The following ZNF273 variants were observed in gnomAD, a reference collection of about 807,000 sequenced individuals.
ZNF273 encodes the protein zinc finger protein 273.
A neutral mutation model predicts 14.9 loss-of-function variants in ZNF273; 11 were observed. That is an observed-to-expected ratio of 0.74 (90% confidence interval 0.46 to 1.22). ZNF273 has a LOEUF of 1.22. Ranked by LOEUF, ZNF273 falls within the 50% of genes most tolerant of loss-of-function variation. The pLI is 0.00. For synonymous variants in ZNF273, 199 were observed against 223.9 expected, an observed-to-expected ratio of 0.89 and a Z score of 0.99; for missense variants, 577 against 660.6, an observed-to-expected ratio of 0.87 and a Z score of 1.39.
chr7:64,883,568 T>G (rs866998668), downstream of ZNF273, among the ~76,000 whole-genome samples: 1 of 152,146 alleles, frequency 6.6e-6, no homozygotes, highest in Non-Finnish European at 1.5e-5. Context: ...TGCTTCCCAC[T>G]TCACCCCCGC....
chr7:64,885,315 C>T (rs1408279776), intron 1 of ZNF273, among the ~76,000 whole-genome samples: 1 of 152,226 alleles, frequency 6.6e-6, no homozygotes, highest in East Asian at 1.9e-4. Context: ...AAGTCACTGC[C>T]TCTCCTGCAG....
exon 4 of ZNF273, chr7:64,897,949 G>C (rs914622186): frequency 1.3e-5 from 2 of 150,806 alleles, no homozygotes; most frequent in African/African-American, 4.9e-5. Context: ...GGATGGTCTC[G>C]ATCTCCTGAC....
At chr7:64,881,403 T>C (rs1791250497), downstream of ZNF273, among the ~76,000 whole-genome samples, 1 of 152,246 alleles carries the variant, frequency 6.6e-6, no homozygotes, top group African/African-American at 2.4e-5. Flanking sequence ...GAGTGTTTCC[T>C]TCTAAACACT....
At chr7:64,909,849 G>C (rs957647899) in intron 1 of ZNF273, among the ~76,000 whole-genome samples, 2 of 149,516 alleles carry the variant, frequency 1.3e-5, no homozygotes, top group Non-Finnish European at 3.0e-5. Context: ...TTTTTTGTTT[G>C]TTTGTTTGTT....
At chr7:64,924,663 T>C (rs928408982) in intron 3 of ZNF273, among the ~76,000 whole-genome samples, 4 of 152,246 alleles carry the variant, frequency 2.6e-5, no homozygotes, top group Admixed American at 6.5e-5. Context: ...GTAGCTTGTG[T>C]AATACTATTT....
At chr7:64,892,214 A>C (rs115389300), downstream of ZNF273, among the ~76,000 whole-genome samples, 1,747 of 152,304 alleles carry the variant, frequency 0.011, 30 homozygotes, top group African/African-American at 0.039. Context: ...AACAGTATTC[A>C]ACCCTAAAAG....
rs767336937 is a variant in ZNF273, at chr7:64,928,436, G to A, written c.1108G>A (p.Gly370Arg). 40 of 1,611,786 alleles carry A rather than the reference G, an allele frequency of 2.5e-5. No individual in the cohort carries two copies. The highest frequency in any genetic ancestry group is 5.0e-5 in the Admixed American group (3 of 59,786). Residue 370 changes from glycine (G) to arginine (R), a missense_variant, in exon 4 of 4, where the codon GGA (glycine) becomes AGA (arginine). By Grantham distance (125) the Gly-to-Arg change is moderately radical (BLOSUM62 -2). Around this residue, in one of 3 missense-constraint regions of ZNF273, gnomAD observed 411 missense variants for 440.4 expected, o/e 0.93. Coordinates refer to ENST00000476120, the MANE Select transcript of ZNF273 (RefSeq NM_021148.3). ...TACTAAACATAAGAGAATTCATACT[G>A]GAGAGAAACCCTACAAATGTGAAGA... The part of the protein sequence containing the change: ...TLTKHKRIHT[G>R]EKPYKCEECG...
intron 1 of ZNF273, among the ~76,000 whole-genome samples, chr7:64,910,776 T>C (rs1173730689): frequency 6.6e-6 from 1 of 151,420 alleles, no homozygotes; most frequent in African/African-American, 2.4e-5. Flanking sequence ...ATTTTTTTTT[T>C]TTTTTTGAGA....
chr7:64,898,670 T>G (rs1217028202), upstream of ZNF273, among the ~76,000 whole-genome samples: 1 of 152,232 alleles, frequency 6.6e-6, no homozygotes, highest in Admixed American at 6.5e-5. Flanking sequence ...GTTAACCATG[T>G]TCCTAGTAAT....
upstream of ZNF273, among the ~76,000 whole-genome samples, chr7:64,899,294 A>G (rs1792542838): frequency 6.6e-6 from 1 of 152,278 alleles, no homozygotes. Context: ...TCCCATTTAA[A>G]ATGTTGTCTT....
Position 64,928,580 on chromosome 7 carries a change from ACT to A in ZNF273, c.1253_1254del (p.Thr418LysfsTer3), listed in dbSNP as rs748776177. Reference sequence around the variant, plus strand: ...AGCCTTTAAACGGTCCACAACTCTTACTAAACATAAGAGAATTTATACTAAAG... The same window carrying A: ...AGCCTTTAAACGGTCCACAACTCTTAAAACATAAGAGAATTTATACTAAAG... Reference protein sequence around the residue: ...GKAFKRSTTLTKHKRIYTKEK... With the variant: ...GKAFKRSTTLXKHKRIYTKEK... On this transcript the variant is annotated frameshift_variant, in exon 4 of 4. Transcript: ENST00000476120. LOFTEE classifies it low-confidence loss of function (END_TRUNC). The A allele has an allele frequency of 9.5e-4, 1,533 of 1,613,782 alleles. 2 individuals are homozygous for A. Among genetic ancestry groups the A allele is most frequent in the Non-Finnish European group, 1.2e-3 (1,367 of 1,179,844 alleles).
At chr7:64,916,911 T>G (rs1372336907) in intron 1 of ZNF273, 4 of 849,582 alleles carry the variant, frequency 4.7e-6, no homozygotes, top group Non-Finnish European at 6.0e-6. Flanking sequence ...TTATTAAGTA[T>G]CTTTATGCAG....
At chr7:64,913,965 A>G (rs953976273) in intron 1 of ZNF273, among the ~76,000 whole-genome samples, 1 of 151,782 alleles carries the variant, frequency 6.6e-6, no homozygotes, top group African/African-American at 2.4e-5. Flanking sequence ...GGAAGCATCC[A>G]TGTTGTTTTA....
chr7:64,903,050 G>A (rs928011714), upstream of ZNF273, among the ~76,000 whole-genome samples: 2 of 152,188 alleles, frequency 1.3e-5, no homozygotes, highest in Non-Finnish European at 2.9e-5. Flanking sequence ...CCCCGTGGGT[G>A]GGCCGGGCTC....
chr7:64,909,802 G>A (rs1793362457), intron 1 of ZNF273, among the ~76,000 whole-genome samples: 1 of 151,004 alleles, frequency 6.6e-6, no homozygotes, highest in Non-Finnish European at 1.5e-5. Flanking sequence ...CAGTGTATAA[G>A]TATTCTTTTT....
At chr7:64,936,582 G>T in the ZNF273 span, among the ~76,000 whole-genome samples, 2 of 152,164 alleles carry the variant, frequency 1.3e-5, no homozygotes, top group East Asian at 3.8e-4. Context: ...TTTATTTATA[G>T]TACTCAACCT....
chr7:64,883,214 A>ACCCCCCCCCCCCCCCCCCCCCCCCC (rs57594044), downstream of ZNF273, among the ~76,000 whole-genome samples: 1 of 121,638 alleles, frequency 8.2e-6, no homozygotes, highest in Non-Finnish European at 1.7e-5. Context: ...CCAAATCACC[A>ACCCCCCCCCCCCCCCCCCCCCCCCC]CCCCCCCCTC....
At chr7:64,906,593 A>G (rs1451287679) in intron 1 of ZNF273, among the ~76,000 whole-genome samples, 5 of 152,090 alleles carry the variant, frequency 3.3e-5, no homozygotes, top group Non-Finnish European at 5.9e-5. Flanking sequence ...CTGCAAAAGG[A>G]GGTTATTAAA....
At chr7:64,919,579 G>A (rs1201203641) in intron 3 of ZNF273, among the ~76,000 whole-genome samples, 1 of 152,190 alleles carries the variant, frequency 6.6e-6, no homozygotes, top group Non-Finnish European at 1.5e-5. Context: ...GTTGCAGTGA[G>A]CTGAGATCAC....
Sources: allele counts gnomAD v4.1 joint callset (sites outside exome capture counted in the v4.1 genomes callset), GRCh38; gene constraint gnomAD v4.1.1; regional missense constraint gnomAD v4.1.1; transcripts MANE v1.5; gene names NCBI Gene and HGNC (gene_info 2026-07-23, HGNC 2026-07-21).